Variants in TBX18 observed in about 807,000 individuals in gnomAD.
TBX18 encodes T-box transcription factor TBX18.
A neutral mutation model predicts 55.0 loss-of-function variants in TBX18; 21 were observed. The ratio of observed to expected loss-of-function variants is 0.38; its 90% CI spans 0.27 to 0.55. The LOEUF is 0.55. Among genes scored for constraint, TBX18 ranks in the 20% least tolerant of loss-of-function variants. The probability of loss-of-function intolerance (pLI) is 0.73; values close to 1 mark genes in which losing one functional copy is unlikely to be tolerated. For synonymous variants in TBX18, 342 were observed against 326.1 expected, an observed-to-expected ratio of 1.05 and a Z score of -0.53; for missense variants, 840 against 799.6, an observed-to-expected ratio of 1.05 and a Z score of -0.61.
chr6:84,750,145 C>T (rs180962214), intron 4 of TBX18, among the ~76,000 whole-genome samples: 15 of 152,046 alleles, frequency 9.9e-5, no homozygotes, highest in East Asian at 7.8e-4. Flanking sequence ...ATTAGCTGGG[C>T]GTGGTGGCAC....
rs1232403654 is a variant in TBX18 at position 84,737,217 on chromosome 6, C to T, written c.1292G>A (p.Ser431Asn). Residue 431 changes from serine to asparagine, a missense_variant, in exon 8 of 8, where the codon AGC (serine) becomes AAC (asparagine). Coordinates refer to ENST00000369663, the MANE Select transcript of TBX18 (RefSeq NM_001080508.3). ...GTTGTAGGTCTCTGCCAAAGATGTG[C>T]TGTATCGGTTGAGGGTGAGGCCTGA... ...ARSGLTLNRY[S>N]TSLAETYNRL... The T allele has an allele frequency of 1.4e-5, 22 of 1,611,448 alleles. No individual in the cohort carries two copies. Among genetic ancestry groups the T allele is most frequent in the Non-Finnish European group, 1.9e-5 (22 of 1,178,544 alleles).
intron 5 of TBX18, 81 bp downstream of exon 5, chr6:84,747,839 T>C: frequency 1.5e-6 from 2 of 1,310,270 alleles, no homozygotes; most frequent in Non-Finnish European, 2.1e-6. Flanking sequence ...ATTCATAATA[T>C]TTAGAGTGAG....
Position 84,736,665 on chromosome 6 carries a change from C to A in TBX18, c.*20G>T. The A allele has an allele frequency of 6.6e-7, 1 of 1,504,264 alleles. No individual in the cohort carries two copies. Among genetic ancestry groups the A allele is most frequent in the South Asian group, 1.4e-5 (1 of 71,994 alleles). 93.2% of individuals were successfully genotyped at this position (1,504,264 alleles called of 1,614,324 possible). On this transcript the variant is annotated 3_prime_UTR_variant, in exon 8 of 8. Transcript: ENST00000369663. ...AAATATGTTAGACAGATCCAAATGT[C>A]ATTTAACTTAAAGGCTTCATCAGAC...
rs377374716 is a variant in TBX18 at position 84,737,091 on chromosome 6, G to T, written c.1418C>A (p.Thr473Asn). The T allele has an allele frequency of 6.2e-7, 1 of 1,614,218 alleles. No homozygotes were observed. The highest frequency in any genetic ancestry group is 1.7e-5 in the Admixed American group (1 of 60,028). ...STSVNMSMGGTDGDTFSCPQT... is the reference protein window; with the variant it reads ...STSVNMSMGGNDGDTFSCPQT... Reference sequence around the variant, plus strand: ...TGGGCAGCTGAAGGTGTCCCCATCAGTGCCACCCATGGACATGTTCACGGA... The same window carrying T: ...TGGGCAGCTGAAGGTGTCCCCATCATTGCCACCCATGGACATGTTCACGGA... Residue 473 changes from threonine to asparagine, a missense_variant, in exon 8 of 8, where the codon ACT becomes AAT. Transcript: ENST00000369663.
intron 4 of TBX18, among the ~76,000 whole-genome samples, chr6:84,750,007 C>T (rs753962993): frequency 2.6e-5 from 4 of 151,990 alleles, no homozygotes; most frequent in African/African-American, 7.2e-5. Context: ...TATAATCAGC[C>T]GAGCATGGTG....
intron 4 of TBX18, among the ~76,000 whole-genome samples, chr6:84,751,682 T>C (rs1322468267): frequency 6.6e-6 from 1 of 152,250 alleles, no homozygotes; most frequent in Admixed American, 6.5e-5. Flanking sequence ...CAAGTCACCA[T>C]GCTGCACACT....
chr6:84,733,529 C>T lies in TBX18; in HGVS notation c.*3156G>A, dbSNP rs981424281. 4 of 152,190 alleles carry T rather than the reference C, an allele frequency of 2.6e-5. No individual in the cohort carries two copies. The highest frequency in any genetic ancestry group is 9.6e-5 in the African/African-American group (4 of 41,454). 9.4% of individuals were successfully genotyped at this position (152,190 alleles called of 1,614,324 possible). ...CATCAGGGTAGGTAGCATCCACCAC[C>T]TCTACCAAGGTTCCTGAAAGAAGTT... is the stretch of plus-strand genomic sequence containing the variant. On this transcript the variant is annotated 3_prime_UTR_variant, in exon 8 of 8. Coordinates refer to ENST00000369663, the MANE Select transcript of TBX18 (RefSeq NM_001080508.3).
intron 4 of TBX18, among the ~76,000 whole-genome samples, chr6:84,754,673 T>C (rs1246689640): frequency 1.3e-5 from 2 of 152,252 alleles, no homozygotes; most frequent in Non-Finnish European, 2.9e-5. Context: ...TCAAATTGGC[T>C]ATGCCACAGT....
At chr6:84,763,333 C>T (rs1159277244) in intron 1 of TBX18, 7 of 455,972 alleles carry the variant, frequency 1.5e-5, no homozygotes, top group African/African-American at 6.0e-5. Flanking sequence ...GCTTCCAGCC[C>T]AGCAGAGAAA....
intron 3 of TBX18, among the ~76,000 whole-genome samples, chr6:84,758,012 C>A (rs1195043013): frequency 6.6e-6 from 1 of 152,068 alleles, no homozygotes; most frequent in Non-Finnish European, 1.5e-5. Flanking sequence ...TGTTTCAATT[C>A]TTTGTCACAT....
rs1767561713 is a variant in TBX18, at chr6:84,758,680, ACAAAT to A, written c.599+1570_599+1574del. 3.3e-5 allele frequency among the ~76,000 whole-genome samples: 5 copies of A among 152,304 alleles called. No individual in the cohort carries two copies. In the South Asian group the frequency reaches 1.0e-3, roughly 32 times the overall value. ...GGAAATGAATTGAGTTACTGCCAAA[ACAAAT>A]AGAGTAATAGGCTCTAACAAAACCT... On this transcript the variant is annotated intron_variant, in intron 3 of 7. Coordinates refer to ENST00000369663, the MANE Select transcript of TBX18 (RefSeq NM_001080508.3).
In TBX18 at chr6:84,741,667, G is replaced by A. The variant is rs75349300; in HGVS notation, c.1004+2594C>T. The A allele has an allele frequency of 8.5e-5, 13 of 152,086 alleles. No individual in the cohort carries two copies. The East Asian group carries it at 1.9e-3, about 23-fold the overall frequency. 9.4% of individuals were successfully genotyped at this position (152,086 alleles called of 1,614,324 possible). A position where few individuals can be genotyped will look rare whatever the true frequency, so the allele number is the denominator to read the frequency against. On this transcript the variant is annotated intron_variant, in intron 6 of 7. Coordinates refer to ENST00000369663, the MANE Select transcript of TBX18 (RefSeq NM_001080508.3). The stretch of plus-strand genomic sequence containing the variant: ...ATTTGTATATTTCATGTACAGGGTC[G>A]GGGAAATAAAAATAGAATTTGTTTT...
chr6:84,763,011 C>CTGG, intron 1 of TBX18: 2 of 540,164 alleles, frequency 3.7e-6, no homozygotes, highest in South Asian at 2.1e-5. Flanking sequence ...GCAGCGTCCA[C>CTGG]CCCACCCGCT....
intron 6 of TBX18, chr6:84,742,539 T>C (rs550534271): frequency 6.6e-6 from 1 of 152,166 alleles, no homozygotes; most frequent in Non-Finnish European, 1.5e-5. Flanking sequence ...AGAGGTTTCT[T>C]CACTATTATC....
In TBX18 at chr6:84,733,875, T is replaced by C. The variant is rs1447684065; in HGVS notation, c.*2810A>G. 1 of 152,120 alleles carries C rather than the reference T, an allele frequency of 6.6e-6. No homozygotes were observed. The highest frequency in any genetic ancestry group is 1.5e-5 in the Non-Finnish European group (1 of 67,996). The allele number at this position is 152,120 out of a possible 1,614,324, so 9.4% of individuals were successfully genotyped here. A position where few individuals can be genotyped will look rare whatever the true frequency, so the allele number is the denominator to read the frequency against. On this transcript the variant is annotated 3_prime_UTR_variant, in exon 8 of 8. Transcript: ENST00000369663. Reference sequence around the variant, plus strand: ...AAAGAGTGAGTATGATCCTTCCTTATATAGGTTACACTGTGCCCCAACCTT... The same window carrying C: ...AAAGAGTGAGTATGATCCTTCCTTACATAGGTTACACTGTGCCCCAACCTT...
At chr6:84,749,044 G>A (rs764964255) in intron 4 of TBX18, among the ~76,000 whole-genome samples, 1 of 152,102 alleles carries the variant, frequency 6.6e-6, no homozygotes. Context: ...ATGACCCATA[G>A]AAAGATATAA....
intron 4 of TBX18, among the ~76,000 whole-genome samples, chr6:84,752,845 C>T (rs1252848824): frequency 1.3e-5 from 2 of 152,152 alleles, no homozygotes; most frequent in Non-Finnish European, 2.9e-5. Context: ...TCTGGCCATG[C>T]TTCCTTCCAA....
At chr6:84,744,870 T>C (rs1311208456) in intron 5 of TBX18, among the ~76,000 whole-genome samples, 1 of 152,140 alleles carries the variant, frequency 6.6e-6, no homozygotes, top group Non-Finnish European at 1.5e-5. Flanking sequence ...TCCTTTAATA[T>C]TCTTTGTGGC....
chr6:84,762,837 G>T, intron 1 of TBX18, 89 bp from the exon 2 acceptor site: 1 of 1,279,010 alleles, frequency 7.8e-7, no homozygotes, highest in Non-Finnish European at 1.1e-6. Context: ...TGGCTGAGAA[G>T]AGGAAAATGA....
Sources: gnomAD v4.1 joint callset for allele counts (sites outside exome capture counted in the v4.1 genomes callset) on GRCh38, gnomAD v4.1.1 for gene constraint, MANE v1.5 for transcripts, NCBI Gene and HGNC (gene_info 2026-07-23, HGNC 2026-07-21) for gene names.